Variants in TACC2 observed in about 807,000 individuals in gnomAD.
TACC2 encodes the protein transforming acidic coiled-coil containing protein 2.
A neutral mutation model predicts 227.3 loss-of-function variants in TACC2; 137 were observed. The observed-to-expected ratio is 0.60, with a 90% CI of 0.52 to 0.69. TACC2 has a LOEUF of 0.69. Ranked by LOEUF, TACC2 falls within the 30% of genes least tolerant of loss-of-function variation. The pLI is 0.00. For missense variants in TACC2, 3,470 were observed against 3,694.4 expected (o/e 0.94, Z 1.57); for synonymous variants, 1,523 against 1,487.5 (o/e 1.02, Z -0.55).
At chr10:122,051,883 G>A (rs1410027208) in intron 3 of TACC2, 1 of 150,946 alleles carries the variant, frequency 6.6e-6, no homozygotes, top group African/African-American at 2.4e-5. Flanking sequence ...GCTTTCCAGA[G>A]GAAGTACTTG....
chr10:122,113,398 C>T (rs958552452), intron 5 of TACC2, among the ~76,000 whole-genome samples: 1 of 152,258 alleles, frequency 6.6e-6, no homozygotes, highest in African/African-American at 2.4e-5. Flanking sequence ...ATTCGGTCCC[C>T]TGCTGGCAGA....
At chr10:122,054,243 C>T (rs970114997) in intron 3 of TACC2, among the ~76,000 whole-genome samples, 1 of 152,222 alleles carries the variant, frequency 6.6e-6, no homozygotes, top group Non-Finnish European at 1.5e-5. Flanking sequence ...TAACTTAGCC[C>T]AGCGTAGTTC....
chr10:122,071,239 T>C (rs2078021189), intron 3 of TACC2, among the ~76,000 whole-genome samples: 1 of 152,212 alleles, frequency 6.6e-6, no homozygotes, highest in African/African-American at 2.4e-5. Context: ...AAGAAAAGTC[T>C]GAATGATCAG....
rs375513635 is a variant in TACC2 at position 122,024,301 on chromosome 10, G to A, written c.33+2287G>A. Among the ~76,000 whole-genome samples the A allele has an allele frequency of 5.3e-5, 8 of 152,294 alleles. No individual in the cohort carries two copies. The East Asian group carries it at 1.2e-3, about 22-fold the overall frequency. On this transcript the variant is annotated intron_variant, in intron 2 of 22. Transcript: ENST00000369005. The stretch of plus-strand genomic sequence containing the variant: ...GGATTGCTTAAGCCTGGGAGGTCAA[G>A]GCTGCAGTGAGCCATGTTTGCACTA...
In TACC2 at chr10:122,079,623, C is replaced by T. The variant is rs190225049; in HGVS notation, c.147-3024C>T. On this transcript the variant is annotated intron_variant, in intron 3 of 22. Coordinates refer to ENST00000369005, the MANE Select transcript of TACC2 (RefSeq NM_206862.4). ...CCTTCAGGGATGTCAAATGACGCCG[C>T]GTGTACTTCAGAGGTGAGGAGCAGG... is the stretch of plus-strand genomic sequence containing the variant. Among the ~76,000 whole-genome samples the T allele has an allele frequency of 1.1e-3, 162 of 152,290 alleles. 2 individuals carry two copies. Among genetic ancestry groups the T allele is most frequent in the African/African-American group, 3.6e-3 (148 of 41,552 alleles).
intron 12 of TACC2, among the ~76,000 whole-genome samples, chr10:122,226,032 A>G (rs2141337489): frequency 6.6e-6 from 1 of 152,314 alleles, no homozygotes; most frequent in African/African-American, 2.4e-5. Context: ...GTTTATCTGC[A>G]GTGGCCAGCA....
chr10:122,249,950 A>T (rs527349199), intron 22 of TACC2, among the ~76,000 whole-genome samples: 1 of 152,192 alleles, frequency 6.6e-6, no homozygotes, highest in South Asian at 2.1e-4. Flanking sequence ...TTAAGTGCCT[A>T]CAATGTGTTA....
At chr10:122,231,845 T>C (rs1247180492) in intron 16 of TACC2, among the ~76,000 whole-genome samples, 1 of 152,168 alleles carries the variant, frequency 6.6e-6, no homozygotes. Flanking sequence ...TATCTTTTAA[T>C]TGAAAAAATA....
chr10:122,140,022 G>A (rs966384791), intron 6 of TACC2, among the ~76,000 whole-genome samples: 1 of 152,210 alleles, frequency 6.6e-6, no homozygotes, highest in Non-Finnish European at 1.5e-5. Flanking sequence ...AGCTGCTGAC[G>A]GTGTCTCACT....
At chr10:122,040,635 G>A (rs181212923) in intron 2 of TACC2, among the ~76,000 whole-genome samples, 2 of 151,924 alleles carry the variant, frequency 1.3e-5, no homozygotes, top group Non-Finnish European at 2.9e-5. Flanking sequence ...GACCGTGTGG[G>A]GAGGAAGAAA....
At chr10:122,134,752 C>T (rs1239353991) in intron 6 of TACC2, among the ~76,000 whole-genome samples, 3 of 152,214 alleles carry the variant, frequency 2.0e-5, no homozygotes, top group Admixed American at 1.3e-4. Flanking sequence ...CACTCTCACC[C>T]GATGCTCCCA....
intron 3 of TACC2, among the ~76,000 whole-genome samples, chr10:122,080,211 CTTT>C (rs111618289): frequency 8.8e-6 from 1 of 113,198 alleles, no homozygotes. Context: ...TCTTCCTTTC[CTTT>C]TTTTTTTTTT....
chr10:122,062,503 A>G (rs1158404196), intron 3 of TACC2, among the ~76,000 whole-genome samples: 2 of 148,756 alleles, frequency 1.3e-5, no homozygotes, highest in African/African-American at 2.5e-5. Context: ...TAGTAGAGAC[A>G]GGGTTTCTCC....
At chr10:122,201,538 T>A (rs2094851936) in intron 8 of TACC2, among the ~76,000 whole-genome samples, 1 of 152,238 alleles carries the variant, frequency 6.6e-6, no homozygotes, top group Non-Finnish European at 1.5e-5. Context: ...ACCTCATGTG[T>A]CCTGTGCACC....
At chr10:122,075,128 G>A (rs376930585) in intron 3 of TACC2, among the ~76,000 whole-genome samples, 5 of 151,678 alleles carry the variant, frequency 3.3e-5, no homozygotes, top group East Asian at 1.9e-4. Flanking sequence ...CAACCCGCTC[G>A]GGTCCCTTTC....
chr10:122,043,567 TC>T (rs757124163), intron 2 of TACC2, among the ~76,000 whole-genome samples: 110,391 of 149,316 alleles, frequency 0.74, 41,012 homozygotes, highest in South Asian at 0.78. Flanking sequence ...TCTCTCTCTC[TC>T]TTTCTTTCTT....
chr10:122,044,781 T>G (rs1472631928), intron 2 of TACC2, among the ~76,000 whole-genome samples: 1 of 151,814 alleles, frequency 6.6e-6, no homozygotes, highest in Non-Finnish European at 1.5e-5. Context: ...TGCTTTAAAA[T>G]AGACTCCAGG....
intron 5 of TACC2, among the ~76,000 whole-genome samples, chr10:122,106,190 G>A (rs1323248467): frequency 1.3e-5 from 2 of 151,354 alleles, no homozygotes; most frequent in Non-Finnish European, 2.9e-5. Context: ...GTTTTGCCAT[G>A]TTCGCCAGGT....
At chr10:122,096,155 G>A (rs984865068) in intron 5 of TACC2, among the ~76,000 whole-genome samples, 5 of 152,328 alleles carry the variant, frequency 3.3e-5, no homozygotes, top group African/African-American at 1.2e-4. Context: ...TGGAGGCTGA[G>A]GTGTGTTCGT....
Sources: gnomAD v4.1 joint callset for allele counts (sites outside exome capture counted in the v4.1 genomes callset) on GRCh38, gnomAD v4.1.1 for gene constraint, MANE v1.5 for transcripts, NCBI Gene and HGNC (gene_info 2026-07-23, HGNC 2026-07-21) for gene names.